Variants in TET2 observed in about 807,000 individuals in gnomAD.
TET2 encodes the protein methylcytosine dioxygenase TET2.
Under a neutral mutation model 142.9 loss-of-function variants are expected in TET2, and 299 were observed. The ratio of observed to expected loss-of-function variants is 2.09; its 90% confidence interval spans 1.90 to 2.30. The LOEUF is 2.30. Among genes scored for constraint, TET2 ranks in the 30% most tolerant of loss-of-function variants. The pLI, the probability that TET2 is intolerant of heterozygous loss-of-function variation, is 0.00. For synonymous variants in TET2, 819 were observed against 849.0 expected (o/e 0.96, Z 0.61); for missense variants, 2,418 against 2,378.0 (o/e 1.02, Z -0.35).
chr4:105,178,327 A>C (rs1241003160), intron 1 of TET2, among the ~76,000 whole-genome samples: 1 of 152,248 alleles, frequency 6.6e-6, no homozygotes, highest in Non-Finnish European at 1.5e-5. Context: ...ATAAAGTGAA[A>C]GAAGCTAATC....
In TET2 at chr4:105,235,230, GT is replaced by G; in HGVS notation, c.1292del (p.Leu431Ter). On this transcript the variant is annotated frameshift_variant, in exon 3 of 11. Transcript: ENST00000380013. LOFTEE classifies it high-confidence loss of function. ...SEGKSTLNGG[V>X]LEEHHHYPNQ... Reference sequence around the variant, plus strand: ...AGGAAAAAGCACTCTGAATGGTGGAGTTTTAGAAGAACACCACCACTACCCC... The same window carrying G: ...AGGAAAAAGCACTCTGAATGGTGGAGTTTAGAAGAACACCACCACTACCCC... 1.2e-6 allele frequency: 2 copies of G among 1,614,078 alleles called. No individual in the cohort carries two copies. Among genetic ancestry groups the G allele is most frequent in the Non-Finnish European group, 1.7e-6 (2 of 1,179,996 alleles).
chr4:105,197,942 T>G (rs890245484), intron 2 of TET2, among the ~76,000 whole-genome samples: 2 of 152,202 alleles, frequency 1.3e-5, no homozygotes, highest in African/African-American at 4.8e-5. Flanking sequence ...TTTAGACATT[T>G]GAAAAATTAG....
chr4:105,273,961 A>G (rs192013892), intron 10 of TET2, among the ~76,000 whole-genome samples: 1 of 152,366 alleles, frequency 6.6e-6, no homozygotes, highest in Admixed American at 6.5e-5. Context: ...CCATTAACAA[A>G]AGCAAACCAG....
intron 2 of TET2, among the ~76,000 whole-genome samples, chr4:105,214,197 C>G (rs983576135): frequency 1.3e-5 from 2 of 151,924 alleles, no homozygotes; most frequent in Non-Finnish European, 2.9e-5. Flanking sequence ...CTCCAATATC[C>G]CTTTTTACAG....
chr4:105,250,195 G>A (rs1729794238), intron 6 of TET2, among the ~76,000 whole-genome samples: 1 of 151,860 alleles, frequency 6.6e-6, no homozygotes, highest in Admixed American at 6.6e-5. Flanking sequence ...GTTTATTTCT[G>A]GACTCTTAAT....
At chr4:105,159,531 A>C (rs1723739628) in intron 1 of TET2, among the ~76,000 whole-genome samples, 1 of 152,132 alleles carries the variant, frequency 6.6e-6, no homozygotes, top group Non-Finnish European at 1.5e-5. Context: ...CTGGGATTAC[A>C]GGCTTGAGCC....
intron 2 of TET2, among the ~76,000 whole-genome samples, chr4:105,224,502 G>A (rs1728052335): frequency 6.6e-6 from 1 of 152,146 alleles, no homozygotes; most frequent in Admixed American, 6.6e-5. Flanking sequence ...TATTTTCAGA[G>A]AGGCGGGAGA....
chr4:105,259,982 T>C (rs947736213), intron 7 of TET2, among the ~76,000 whole-genome samples: 4 of 152,130 alleles, frequency 2.6e-5, no homozygotes, highest in African/African-American at 9.7e-5. Flanking sequence ...CTCTTTGGTC[T>C]TTTATGTTAA....
At chr4:105,194,330 A>C (rs928700310) in intron 2 of TET2, among the ~76,000 whole-genome samples, 1 of 152,080 alleles carries the variant, frequency 6.6e-6, no homozygotes, top group Non-Finnish European at 1.5e-5. Flanking sequence ...TCCCACCTTT[A>C]GTCATTGTTG....
Position 105,275,924 on chromosome 4 carries a change from AC to A in TET2, c.5416del (p.His1806MetfsTer14). The A allele has an allele frequency of 6.4e-7, 1 of 1,552,040 alleles. No homozygotes were observed. Among genetic ancestry groups the A allele is most frequent in the Non-Finnish European group, 8.7e-7 (1 of 1,147,040 alleles). On this transcript the variant is annotated frameshift_variant, in exon 11 of 11. Coordinates refer to ENST00000380013, the MANE Select transcript of TET2 (RefSeq NM_001127208.3). LOFTEE classifies it low-confidence loss of function (END_TRUNC). Reference protein sequence around the residue: ...NGLSKMLPALNHDRTACVQGG... With the variant: ...NGLSKMLPALXHDRTACVQGG... ...TTATCAAAGATGCTTCCAGCTCTTA[AC>A]CATGATAGAACTGCTTGTGTCCAAG...
chr4:105,192,280 T>C (rs1725834962), intron 2 of TET2, among the ~76,000 whole-genome samples: 1 of 152,186 alleles, frequency 6.6e-6, no homozygotes. Context: ...TCTGAGGAGT[T>C]CTTCCCTCAT....
In TET2 at chr4:105,276,205, C is replaced by G; in HGVS notation, c.5695C>G (p.Leu1899Val). Reference sequence around the variant, plus strand: ...TAGGAATCACCCCACCAGGATCTCCCTCGTCTTTTACCAGCATAAGAGCAT... The same window carrying G: ...TAGGAATCACCCCACCAGGATCTCCGTCGTCTTTTACCAGCATAAGAGCAT... ...PNRNHPTRIS[L>V]VFYQHKSMNE... Residue 1899 changes from leucine to valine, a missense_variant, in exon 11 of 11, where the codon CTC becomes GTC. Physicochemically the swap from Leu to Val is conservative, Grantham distance 32. Coordinates refer to ENST00000380013, the MANE Select transcript of TET2 (RefSeq NM_001127208.3). The G allele has an allele frequency of 6.4e-7, 1 of 1,551,650 alleles. No homozygotes were observed. Among genetic ancestry groups the G allele is most frequent in the Non-Finnish European group, 8.7e-7 (1 of 1,146,988 alleles).
At chr4:105,150,272 T>C (rs369241434) in intron 1 of TET2, among the ~76,000 whole-genome samples, 1 of 152,256 alleles carries the variant, frequency 6.6e-6, no homozygotes, top group East Asian at 1.9e-4. Flanking sequence ...ATATCTAATA[T>C]TTAGAAAATC....
At position 105,276,846 on chromosome 4, in the gene TET2, C is replaced by CCCCA; in HGVS notation, c.*330_*331insACCC. 4.6e-6 allele frequency: 1 copy of CCCCA among 215,446 alleles called. No homozygotes were observed. The highest frequency in any genetic ancestry group is 6.8e-5 in the East Asian group (1 of 14,796). 13.3% of individuals were successfully genotyped at this position (215,446 alleles called of 1,614,324 possible). ...ATGATATGTAAATGTGATCCCCCCC[C>CCCCA]CCCGCTTACAACTCTACACATCTGT... On this transcript the variant is annotated 3_prime_UTR_variant, in exon 11 of 11. Transcript: ENST00000380013.
chr4:105,237,240 GTTCTCAATAATTTTATAGAGTCACCT>G lies in TET2; in HGVS notation c.3300_3325del (p.Leu1101GlnfsTer20). The G allele has an allele frequency of 6.2e-7, 1 of 1,614,056 alleles. No homozygotes were observed. On this transcript the variant is annotated frameshift_variant, in exon 3 of 11. Coordinates refer to ENST00000380013, the MANE Select transcript of TET2 (RefSeq NM_001127208.3). LOFTEE classifies it high-confidence loss of function. ...ACCAACCAAAAGAACAGCTGCTTCT[GTTCTCAATAATTTTATAGAGTCACCT>G]TCCAAATTACTAGATACTCCTATAA...
intron 2 of TET2, among the ~76,000 whole-genome samples, chr4:105,221,003 T>G (rs745862293): frequency 7.2e-5 from 11 of 152,164 alleles, no homozygotes; most frequent in Non-Finnish European, 1.3e-4. Flanking sequence ...CTAGACAGTG[T>G]TCCAGTAAGG....
intron 6 of TET2, among the ~76,000 whole-genome samples, chr4:105,256,116 TTGA>T (rs1730117500): frequency 6.6e-6 from 1 of 152,148 alleles, no homozygotes; most frequent in Non-Finnish European, 1.5e-5. Flanking sequence ...TTAAATCAGA[TTGA>T]TATTGTCATT....
chr4:105,240,739 CCTT>C (rs757870864), intron 3 of TET2: 199 of 1,080,048 alleles, frequency 1.8e-4, no homozygotes, highest in Non-Finnish European at 2.1e-4. Context: ...TGCAACAGCC[CCTT>C]CTTTTTGCCT....
rs371802073 is a variant in TET2 at position 105,178,513 on chromosome 4, G to A, written c.-192-11847G>A. 3.9e-5 allele frequency among the ~76,000 whole-genome samples: 6 copies of A among 152,252 alleles called. No homozygotes were observed. The East Asian group carries it at 1.2e-3, about 29-fold the overall frequency. On this transcript the variant is annotated intron_variant, in intron 1 of 10. Transcript: ENST00000380013. The stretch of plus-strand genomic sequence containing the variant: ...GGTGGATCCATGTCATTATACATTT[G>A]TCCAAACACGTAGGATGTAACCACC...
Sources: allele counts gnomAD v4.1 joint callset (sites outside exome capture counted in the v4.1 genomes callset), GRCh38; gene constraint gnomAD v4.1.1; transcripts MANE v1.5; gene names NCBI Gene and HGNC (gene_info 2026-07-23, HGNC 2026-07-21).